The following ATOH8 variants were observed in gnomAD, a reference collection of about 807,000 sequenced individuals.
ATOH8 encodes the protein atonal bHLH transcription factor 8.
ATOH8 carries 9 observed loss-of-function variants against 21.2 expected under a neutral mutation model. The ratio of observed to expected loss-of-function variants is 0.42; its 90% CI spans 0.26 to 0.74. The LOEUF (loss-of-function observed/expected upper bound fraction) is 0.74, where lower values mean the gene tolerates loss of function less well. Ranked by LOEUF, ATOH8 falls within the 30% of genes least tolerant of loss-of-function variation. The pLI is 0.24. For synonymous variants in ATOH8, 253 were observed against 224.0 expected (o/e 1.13, Z -1.16); for missense variants, 524 against 470.9 (o/e 1.11, Z -1.04).
intron 2 of ATOH8, chr2:85,780,905 G>A (rs924219364): frequency 1.4e-5 from 14 of 986,258 alleles, no homozygotes; most frequent in African/African-American, 1.7e-5. Flanking sequence ...TGTCACCCAT[G>A]GCACCCAGGC....
At position 85,764,257 on chromosome 2, in the gene ATOH8, G is replaced by T. The variant is rs563665020; in HGVS notation, c.960+75G>T. On this transcript the variant is annotated intron_variant, in intron 2 of 2. Coordinates refer to ENST00000306279, the MANE Select transcript of ATOH8 (RefSeq NM_032827.7). ...AGGGACAGGAACTTGGGGGTGCCCT[G>T]CCTATGCCCAGAATTCTGAAGGGGC... 167 of 1,570,510 alleles carry T rather than the reference G, an allele frequency of 1.1e-4. No individual in the cohort carries two copies. In the East Asian group the frequency reaches 3.4e-3, roughly 32 times the overall value.
At chr2:85,775,048 G>A (rs1002326116) in intron 2 of ATOH8, 2 of 982,940 alleles carry the variant, frequency 2.0e-6, no homozygotes, top group African/African-American at 3.5e-5. Flanking sequence ...TAAAATGTTA[G>A]ACAATATGAA....
Position 85,754,282 on chromosome 2 carries a change from G to A in ATOH8, c.93G>A (p.Lys31=), listed in dbSNP as rs1172376084. 1 of 1,610,210 alleles carries A rather than the reference G, an allele frequency of 6.2e-7. No homozygotes were observed. Among genetic ancestry groups the A allele is most frequent in the East Asian group, 2.2e-5 (1 of 44,592 alleles). Residue 31 remains lysine, a synonymous_variant, in exon 1 of 3, where the codon AAG becomes AAA. Transcript: ENST00000306279. ...TTAAGAAGCTCAAGCGGAAAGGCAA[G>A]GAGCCGGCGCGGCGCGCGAACGGCT... ...NGLKKLKRKG[K]EPARRANGYK... is the part of the protein sequence containing the mutation.
chr2:85,754,603 G>T lies in ATOH8; in HGVS notation c.414G>T (p.Gly138=). The change falls in exon 1 of 3, where the codon GGG becomes GGT. Residue 138 remains glycine, a synonymous_variant. Coordinates refer to ENST00000306279, the MANE Select transcript of ATOH8 (RefSeq NM_032827.7). ...CTGCGCCCCAGAGCCAGGCACCTGG[G>T]GGCCCAGAGGCACAGCCTTTCCGGG... is the stretch of plus-strand genomic sequence containing the variant. ...PPPAPQSQAP[G]GPEAQPFREP... is the part of the protein sequence containing the mutation. 1 of 1,481,264 alleles carries T rather than the reference G, an allele frequency of 6.8e-7. No homozygotes were observed. Among genetic ancestry groups the T allele is most frequent in the Middle Eastern group, 1.9e-4 (1 of 5,224 alleles). 91.8% of individuals were successfully genotyped at this position (1,481,264 alleles called of 1,614,324 possible).
chr2:85,758,585 G>C (rs1404764203), intron 1 of ATOH8, among the ~76,000 whole-genome samples: 1 of 152,248 alleles, frequency 6.6e-6, no homozygotes, highest in African/African-American at 2.4e-5. Context: ...GAGGAAGCCA[G>C]ACAGGCTCCC....
chr2:85,754,556 ACGCCGCCGC>A lies in ATOH8; in HGVS notation c.378_386del (p.Pro128_Pro130del). On this transcript the variant is annotated inframe_deletion, in exon 1 of 3. Transcript: ENST00000306279. ...AGGCGCAGTGGGGCCAGGACTCCCC[ACGCCGCCGC>A]CGCCGCCGCCTCCTGCGCCCCAGAG... is the stretch of plus-strand genomic sequence containing the variant. The A allele has an allele frequency of 2.1e-6, 3 of 1,438,276 alleles. No individual in the cohort carries two copies. Among genetic ancestry groups the A allele is most frequent in the Admixed American group, 3.0e-5 (1 of 32,856 alleles). The allele number at this position is 1,438,276 out of a possible 1,614,324, so 89.1% of individuals were successfully genotyped here.
At position 85,788,699 on chromosome 2, in the gene ATOH8, T is replaced by C. The variant is rs1680689706; in HGVS notation, c.*1809T>C. 6.6e-6 allele frequency among the ~76,000 whole-genome samples: 1 copy of C among 152,182 alleles called. No homozygotes were observed. The highest frequency in any genetic ancestry group is 1.5e-5 in the Non-Finnish European group (1 of 68,022). ...CTGCAGCCATACAGGACACAGTTTG[T>C]CCCTTGGTTTCACCAGTGTCACTTT... On this transcript the variant is annotated 3_prime_UTR_variant, in exon 3 of 3. Coordinates refer to ENST00000306279, the MANE Select transcript of ATOH8 (RefSeq NM_032827.7).
At chr2:85,765,070 C>T (rs1215430418) in intron 2 of ATOH8, among the ~76,000 whole-genome samples, 1 of 152,190 alleles carries the variant, frequency 6.6e-6, no homozygotes, top group Non-Finnish European at 1.5e-5. Flanking sequence ...TGGGCATTCC[C>T]AGTCAGGGGT....
chr2:85,768,012 G>C lies in ATOH8; in HGVS notation c.960+3830G>C, dbSNP rs151118727. Among the ~76,000 whole-genome samples, 521 of 152,334 alleles carry C rather than the reference G, an allele frequency of 3.4e-3. 2 individuals are homozygous for C. The highest frequency in any genetic ancestry group is 0.012 in the African/African-American group (499 of 41,572). On this transcript the variant is annotated intron_variant, in intron 2 of 2. Transcript: ENST00000306279. ...CACAGTCCCTGGGCCACCACCCTGG[G>C]GCTTGCCTCTTGGCGTCACCTTGGA...
chr2:85,783,724 G>T (rs55974755), intron 2 of ATOH8: 32,454 of 152,082 alleles, frequency 0.21, 3,641 homozygotes, highest in African/African-American at 0.24. Flanking sequence ...TAAGCCTCTC[G>T]CACTGTGCCC....
At position 85,754,248 on chromosome 2, in the gene ATOH8, T is replaced by G; in HGVS notation, c.59T>G (p.Leu20Arg). Residue 20 changes from leucine to arginine, a missense_variant, in exon 1 of 3, where the codon CTG (leucine) becomes CGG (arginine). Transcript: ENST00000306279. ...TGGAAGACCGTGTGCGTGAAGGAGC[T>G]GAACGGCCTTAAGAAGCTCAAGCGG... ...GPWKTVCVKELNGLKKLKRKG... is the reference protein window; with the variant it reads ...GPWKTVCVKERNGLKKLKRKG... 1 of 1,609,124 alleles carries G rather than the reference T, an allele frequency of 6.2e-7. No individual in the cohort carries two copies.
Position 85,786,884 on chromosome 2 carries a change from GGAGT to G in ATOH8, c.963_966del (p.Glu321AspfsTer132). The stretch of plus-strand genomic sequence containing the variant: ...TTTTAATGGCTGGTCATGTCTTTCA[GGAGT>G]GACTGGCTGCAGGCAAGACCAAGGC... On this transcript the variant is annotated frameshift_variant and stop_lost and splice_region_variant, in exon 3 of 3. Transcript: ENST00000306279. LOFTEE classifies it high-confidence loss of function. 6.2e-7 allele frequency: 1 copy of G among 1,614,110 alleles called. No individual in the cohort carries two copies. Among genetic ancestry groups the G allele is most frequent in the Non-Finnish European group, 8.5e-7 (1 of 1,180,022 alleles).
chr2:85,790,833 G>A lies in ATOH8; in HGVS notation c.*3943G>A, dbSNP rs3731826. ...CTGTGGTCAGCCGTGGGAAGCCGGCGAGGGGACTGGAGTTGGGGCTACACT... is the reference window on the plus strand; with the variant it reads ...CTGTGGTCAGCCGTGGGAAGCCGGCAAGGGGACTGGAGTTGGGGCTACACT... On this transcript the variant is annotated 3_prime_UTR_variant, in exon 3 of 3. Coordinates refer to ENST00000306279, the MANE Select transcript of ATOH8 (RefSeq NM_032827.7). Among the ~76,000 whole-genome samples the A allele has an allele frequency of 0.077, 11,678 of 152,242 alleles. 522 individuals are homozygous for A. The highest frequency in any genetic ancestry group is 0.24 in the South Asian group (1,168 of 4,820).
At chr2:85,778,931 CT>C (rs1171397197) in intron 2 of ATOH8, among the ~76,000 whole-genome samples, 1 of 152,178 alleles carries the variant, frequency 6.6e-6, no homozygotes, top group Non-Finnish European at 1.5e-5. Flanking sequence ...GCCCATTGGT[CT>C]GCTCTCCACC....
At chr2:85,772,803 C>T (rs1680223402) in intron 2 of ATOH8, 1 of 455,904 alleles carries the variant, frequency 2.2e-6, no homozygotes, top group Non-Finnish European at 4.4e-6. Flanking sequence ...CTTTTTATCT[C>T]TGGTTTTTAT....
intron 1 of ATOH8, 60 bp from the exon 2 acceptor site, chr2:85,763,931 C>T: frequency 6.5e-7 from 1 of 1,545,744 alleles, no homozygotes; most frequent in Non-Finnish European, 8.8e-7. Flanking sequence ...GGCCGTCTCC[C>T]ATGCCTGCCA....
chr2:85,773,259 C>G (rs536084001), intron 2 of ATOH8: 27 of 178,148 alleles, frequency 1.5e-4, no homozygotes, highest in Admixed American at 1.5e-3. Context: ...CTGCCGCTGA[C>G]TGCAGCATGA....
At position 85,754,749 on chromosome 2, in the gene ATOH8, C is replaced by G. The variant is rs768401161; in HGVS notation, c.560C>G (p.Pro187Arg). ...STVRPAPPTRPGESSYSSISH... is the reference protein window; with the variant it reads ...STVRPAPPTRRGESSYSSISH... Reference sequence around the variant, plus strand: ...GTGCGCCCTGCGCCCCCGACGCGCCCCGGGGAAAGTTCCTACTCGTCAATT... The same window carrying G: ...GTGCGCCCTGCGCCCCCGACGCGCCGCGGGGAAAGTTCCTACTCGTCAATT... The change falls in exon 1 of 3, where the codon CCC becomes CGC. Residue 187 changes from proline to arginine, a missense_variant. Pro to Arg is a moderately radical substitution (Grantham distance 103). Coordinates refer to ENST00000306279, the MANE Select transcript of ATOH8 (RefSeq NM_032827.7). 1 of 1,612,830 alleles carries G rather than the reference C, an allele frequency of 6.2e-7. No individual in the cohort carries two copies. Among genetic ancestry groups the G allele is most frequent in the South Asian group, 1.1e-5 (1 of 91,086 alleles).
In ATOH8 at chr2:85,766,057, T is replaced by G. The variant is rs1680006265; in HGVS notation, c.960+1875T>G. Among the ~76,000 whole-genome samples, 1 of 152,034 alleles carries G rather than the reference T, an allele frequency of 6.6e-6. No individual in the cohort carries two copies. Among genetic ancestry groups the G allele is most frequent in the African/African-American group, 2.4e-5 (1 of 41,366 alleles). ...GTTATCCTGCACCCATTGCTTAGCC[T>G]CCTCCGCCTCAGTTTTCTTGTTGAT... On this transcript the variant is annotated intron_variant, in intron 2 of 2. Transcript: ENST00000306279. The surrounding 1 kb of genome is among the most constrained non-coding windows in gnomAD (Gnocchi z 4.0).
Sources: allele counts gnomAD v4.1 joint callset (sites outside exome capture counted in the v4.1 genomes callset), GRCh38; gene constraint gnomAD v4.1.1; non-coding constraint Gnocchi (gnomAD v3.1); transcripts MANE v1.5; gene names NCBI Gene and HGNC (gene_info 2026-07-23, HGNC 2026-07-21).